Variants in POLR3D observed in about 807,000 individuals in gnomAD.
POLR3D encodes the protein DNA-directed RNA polymerase III subunit RPC4.
POLR3D carries 42 observed loss-of-function variants against 44.5 expected under a neutral mutation model. The ratio of observed to expected loss-of-function variants is 0.94; its 90% CI spans 0.74 to 1.22. The LOEUF (loss-of-function observed/expected upper bound fraction) is 1.22, where lower values mean the gene tolerates loss of function less well. Among genes scored for constraint, POLR3D ranks in the 50% most tolerant of loss-of-function variants. POLR3D has a pLI of 0.00. For synonymous variants in POLR3D, 217 were observed against 198.1 expected (o/e 1.10, Z -0.80); for missense variants, 507 against 505.2 (o/e 1.00, Z -0.03).
At chr8:22,249,930 T>C in intron 7 of POLR3D, 145 bp from the exon 8 acceptor site, 3 of 754,900 alleles carry the variant, frequency 4.0e-6, no homozygotes, top group Admixed American at 5.6e-5. Context: ...ATTTTAACCA[T>C]AGCAGACAGC....
In POLR3D at chr8:22,250,124, G is replaced by A; in HGVS notation, c.971G>A (p.Gly324Asp). The A allele has an allele frequency of 6.2e-7, 1 of 1,614,160 alleles. No homozygotes were observed. The highest frequency in any genetic ancestry group is 1.1e-5 in the South Asian group (1 of 91,082). ...NACTLADLTEGQVGKLLIRKS... is the reference protein window; with the variant it reads ...NACTLADLTEDQVGKLLIRKS... Reference sequence around the variant, plus strand: ...TGTACCCTGGCTGACCTGACAGAGGGTCAGGTTGGCAAGCTACTCATCCGC... The same window carrying A: ...TGTACCCTGGCTGACCTGACAGAGGATCAGGTTGGCAAGCTACTCATCCGC... Residue 324 changes from glycine (G) to aspartate (D), a missense_variant, in exon 8 of 9, where the codon GGT (glycine) becomes GAT (aspartate). Gly to Asp is a moderately conservative substitution (Grantham distance 94). Coordinates refer to ENST00000306433, the MANE Select transcript of POLR3D (RefSeq NM_001722.3).
chr8:22,249,043 G>A lies in POLR3D; in HGVS notation c.656-1G>A, dbSNP rs775129634. Reference sequence around the variant, plus strand: ...GCATTCCATGTCTATCACCCGGGCAGTGAAAGAGGAGCCACGAGATGAGGA... The same window carrying A: ...GCATTCCATGTCTATCACCCGGGCAATGAAAGAGGAGCCACGAGATGAGGA... On this transcript the variant is annotated splice_acceptor_variant, in intron 6 of 8. Transcript: ENST00000306433. LOFTEE classifies it high-confidence loss of function. 1 of 1,613,728 alleles carries A rather than the reference G, an allele frequency of 6.2e-7. No individual in the cohort carries two copies. The highest frequency in any genetic ancestry group is 1.1e-5 in the South Asian group (1 of 91,070).
At chr8:22,249,438 C>G in intron 7 of POLR3D, 129 bp downstream of exon 7, 1 of 939,868 alleles carries the variant, frequency 1.1e-6, no homozygotes, top group Non-Finnish European at 1.6e-6. Flanking sequence ...TTCTTGACGC[C>G]TGCAAGAGCC....
At chr8:22,250,264 A>G (rs1204219351) in intron 8 of POLR3D, 37 bp downstream of exon 8, 1 of 1,612,640 alleles carries the variant, frequency 6.2e-7, no homozygotes, top group Non-Finnish European at 8.5e-7. Context: ...GGACCCTTTC[A>G]GGAGTGAAGG....
chr8:22,245,717 T>C (rs531070326), intron 2 of POLR3D, 103 bp downstream of exon 2: 2 of 816,882 alleles, frequency 2.4e-6, no homozygotes, highest in South Asian at 1.3e-4. Context: ...AGGACTGTCG[T>C]TGGGCCTCTC....
Position 22,247,041 on chromosome 8 carries a change from C to T in POLR3D, c.166-180C>T, listed in dbSNP as rs1307156134. On this transcript the variant is annotated intron_variant, in intron 2 of 8. Coordinates refer to ENST00000306433, the MANE Select transcript of POLR3D (RefSeq NM_001722.3). The stretch of plus-strand genomic sequence containing the variant: ...TATGTGTAACTCCACTGCTACCACA[C>T]TATGACATTCCTCCTTTTCAGGCAC... 2.6e-5 allele frequency among the ~76,000 whole-genome samples: 4 copies of T among 152,356 alleles called. No homozygotes were observed. The East Asian group carries it at 7.7e-4, about 29-fold the overall frequency.
chr8:22,246,830 A>G (rs1427572917), intron 2 of POLR3D, among the ~76,000 whole-genome samples: 2 of 152,242 alleles, frequency 1.3e-5, no homozygotes, highest in South Asian at 2.1e-4. Context: ...TGGCAGATCT[A>G]TGGCCTTCCC....
At chr8:22,248,056 G>C in intron 4 of POLR3D, 48 bp downstream of exon 4, 2 of 1,604,986 alleles carry the variant, frequency 1.2e-6, no homozygotes, top group South Asian at 2.2e-5. Flanking sequence ...CCCCAGAGAA[G>C]GGCGAGAACA....
chr8:22,245,833 T>C (rs767049211), intron 2 of POLR3D, among the ~76,000 whole-genome samples: 23 of 152,222 alleles, frequency 1.5e-4, no homozygotes, highest in Non-Finnish European at 1.6e-4. Context: ...GGGCAGAGAA[T>C]CCTAATAAGT....
intron 2 of POLR3D, among the ~76,000 whole-genome samples, chr8:22,245,989 T>C (rs1830036705): frequency 6.6e-6 from 1 of 152,242 alleles, no homozygotes; most frequent in Admixed American, 6.5e-5. Flanking sequence ...TGCAAACTTT[T>C]TATCTAGAGT....
In POLR3D at chr8:22,245,486, C is replaced by G; in HGVS notation, c.37C>G (p.Pro13Ala). Reference protein sequence around the residue: ...EGNAAGEPSTPGGPRPLLTGA... With the variant: ...EGNAAGEPSTAGGPRPLLTGA... ...AAACGCCGCCGGCGAGCCCAGCACG[C>G]CGGGAGGGCCCCGACCTCTCCTGAC... The change falls in exon 2 of 9, where the codon CCG becomes GCG. Residue 13 changes from proline (P) to alanine (A), a missense_variant. Coordinates refer to ENST00000306433, the MANE Select transcript of POLR3D (RefSeq NM_001722.3). 7.7e-7 allele frequency: 1 copy of G among 1,306,616 alleles called. No homozygotes were observed. The highest frequency in any genetic ancestry group is 9.8e-7 in the Non-Finnish European group (1 of 1,019,928). The allele number at this position is 1,306,616 out of a possible 1,614,324, so 80.9% of individuals were successfully genotyped here. A position where few individuals can be genotyped will look rare whatever the true frequency, so the allele number is the denominator to read the frequency against.
At position 22,253,217 on chromosome 8, in the gene POLR3D, G is replaced by A. The variant is rs1830119646; in HGVS notation, c.*2699G>A. 6.6e-6 allele frequency: 1 copy of A among 152,256 alleles called. No homozygotes were observed. Among genetic ancestry groups the A allele is most frequent in the African/African-American group, 2.4e-5 (1 of 41,464 alleles). 9.4% of individuals were successfully genotyped at this position (152,256 alleles called of 1,614,324 possible). A position where few individuals can be genotyped will look rare whatever the true frequency, so the allele number is the denominator to read the frequency against. ...CCATCCTCAGTATTGCAGAATGGCTGCTCCTGCGCCAAGCATCATTCTGCA... is the reference window on the plus strand; with the variant it reads ...CCATCCTCAGTATTGCAGAATGGCTACTCCTGCGCCAAGCATCATTCTGCA... On this transcript the variant is annotated 3_prime_UTR_variant, in exon 9 of 9. Transcript: ENST00000306433.
chr8:22,247,929 A>G lies in POLR3D; in HGVS notation c.282A>G (p.Gly94=). The G allele has an allele frequency of 6.2e-7, 1 of 1,614,172 alleles. No homozygotes were observed. The highest frequency in any genetic ancestry group is 8.5e-7 in the Non-Finnish European group (1 of 1,180,036). Residue 94 remains glycine (G), a synonymous_variant, in exon 4 of 9, where the codon GGA becomes GGG. Transcript: ENST00000306433. ...GAGACCGACAACGAGAGGGGCATGGACGAGGGCGAGGCCGTCCAGAAGTGA... is the reference window on the plus strand; with the variant it reads ...GAGACCGACAACGAGAGGGGCATGGGCGAGGGCGAGGCCGTCCAGAAGTGA... ...RDRDRQREGH[G]RGRGRPEVIQ...
chr8:22,248,684 A>G lies in POLR3D; in HGVS notation c.655+35A>G, dbSNP rs780378077. On this transcript the variant is annotated intron_variant, in intron 6 of 8. Transcript: ENST00000306433. ...CGGTTAACTTCTCATCTCCAATTCC[A>G]TGGCTGCTCCCCAGGAATCCCGTGC... 6 of 1,583,592 alleles carry G rather than the reference A, an allele frequency of 3.8e-6. No individual in the cohort carries two copies. The African/African-American group carries it at 5.4e-5, about 14-fold the overall frequency.
chr8:22,245,413 C>T (rs1830028216), intron 1 of POLR3D, 32 bp from the exon 2 acceptor site: 2 of 1,308,420 alleles, frequency 1.5e-6, no homozygotes, highest in Non-Finnish European at 2.0e-6. Flanking sequence ...TGTCAGTCCC[C>T]TCTGGTGATC....
chr8:22,245,540 C>T lies in POLR3D; in HGVS notation c.91C>T (p.Pro31Ser), dbSNP rs773788290. 1.7e-4 allele frequency: 218 copies of T among 1,264,760 alleles called. 2 individuals carry two copies. Among genetic ancestry groups the T allele is most frequent in the Non-Finnish European group, 4.6e-5 (46 of 997,624 alleles). The allele number at this position is 1,264,760 out of a possible 1,614,324, so 78.3% of individuals were successfully genotyped here. ...TGARGLIGRR[P>S]APPLTPGRLP... is the part of the protein sequence containing the mutation. ...GGCCCGGGGGCTCATCGGGCGGCGGCCGGCGCCTCCCCTCACCCCCGGCCG... is the reference window on the plus strand; with the variant it reads ...GGCCCGGGGGCTCATCGGGCGGCGGTCGGCGCCTCCCCTCACCCCCGGCCG... The change falls in exon 2 of 9, where the codon CCG becomes TCG. Residue 31 changes from proline (P) to serine (S), a missense_variant. Coordinates refer to ENST00000306433, the MANE Select transcript of POLR3D (RefSeq NM_001722.3).
rs777358916 is a variant in POLR3D, at chr8:22,250,133, G to A, written c.980G>A (p.Gly327Asp). The A allele has an allele frequency of 2.5e-6, 4 of 1,614,152 alleles. No homozygotes were observed. The highest frequency in any genetic ancestry group is 2.5e-6 in the Non-Finnish European group (3 of 1,180,024). ...GCTGACCTGACAGAGGGTCAGGTTGGCAAGCTACTCATCCGCAAGTCTGGA... is the reference window on the plus strand; with the variant it reads ...GCTGACCTGACAGAGGGTCAGGTTGACAAGCTACTCATCCGCAAGTCTGGA... The part of the protein sequence containing the change: ...TLADLTEGQV[G>D]KLLIRKSGRV... The change falls in exon 8 of 9, where the codon GGC (glycine) becomes GAC (aspartate). Residue 327 changes from glycine to aspartate, a missense_variant. Physicochemically the swap from Gly to Asp is moderately conservative, Grantham distance 94. Coordinates refer to ENST00000306433, the MANE Select transcript of POLR3D (RefSeq NM_001722.3).
In POLR3D at chr8:22,250,741, C is replaced by G; in HGVS notation, c.*223C>G. The G allele has an allele frequency of 1.7e-6, 1 of 577,814 alleles. No individual in the cohort carries two copies. Among genetic ancestry groups the G allele is most frequent in the Admixed American group, 3.0e-5 (1 of 33,138 alleles). 35.8% of individuals were successfully genotyped at this position (577,814 alleles called of 1,614,324 possible). ...GATGGCACATCCTTGCTGCTGGGGA[C>G]TTGGCCCTGCTATTTATTTTTGTAT... On this transcript the variant is annotated 3_prime_UTR_variant, in exon 9 of 9. Transcript: ENST00000306433.
Position 22,252,353 on chromosome 8 carries a change from T to A in POLR3D, c.*1835T>A, listed in dbSNP as rs545179455. On this transcript the variant is annotated 3_prime_UTR_variant, in exon 9 of 9. Coordinates refer to ENST00000306433, the MANE Select transcript of POLR3D (RefSeq NM_001722.3). ...CTCCATTCTCATCCTCTCTTTCTATTCTGTTTCTTTGGTTCAGAAATACTC... is the reference window on the plus strand; with the variant it reads ...CTCCATTCTCATCCTCTCTTTCTATACTGTTTCTTTGGTTCAGAAATACTC... The A allele has an allele frequency of 6.2e-4, 95 of 153,626 alleles. No individual in the cohort carries two copies. Among genetic ancestry groups the A allele is most frequent in the African/African-American group, 2.1e-3 (89 of 41,586 alleles). The allele number at this position is 153,626 out of a possible 1,614,324, so 9.5% of individuals were successfully genotyped here. A position where few individuals can be genotyped will look rare whatever the true frequency, so the allele number is the denominator to read the frequency against.
Sources: gnomAD v4.1 joint callset for allele counts (sites outside exome capture counted in the v4.1 genomes callset) on GRCh38, gnomAD v4.1.1 for gene constraint, MANE v1.5 for transcripts, NCBI Gene and HGNC (gene_info 2026-07-23, HGNC 2026-07-21) for gene names.